WWOX: variants seen among roughly 807,000 people sequenced by gnomAD.
WWOX encodes WW domain-containing oxidoreductase.
Under a neutral mutation model 46.2 loss-of-function variants are expected in WWOX, and 69 were observed. That is an observed-to-expected ratio of 1.49 (90% CI 1.23 to 1.82). The LOEUF is 1.82. Ranked by LOEUF, WWOX falls within the 40% of genes most tolerant of loss-of-function variation. The pLI is 0.00. For synonymous variants in WWOX, 359 were observed against 202.6 expected (o/e 1.77, Z -6.56); for missense variants, 919 against 542.6 (o/e 1.69, Z -6.89).
intron 8 of WWOX, among the ~76,000 whole-genome samples, chr16:79,005,634 C>G (rs1261179429): frequency 6.6e-6 from 1 of 152,170 alleles, no homozygotes; most frequent in Non-Finnish European, 1.5e-5. Flanking sequence ...TCACCACCAT[C>G]TTCCTTGTCC....
At chr16:78,540,779 T>C (rs9989362) in intron 8 of WWOX, among the ~76,000 whole-genome samples, 14,392 of 152,144 alleles carry the variant, frequency 0.095, 931 homozygotes, top group South Asian at 0.24. Flanking sequence ...CTCAAATTCA[T>C]GAGCCCAAGC....
chr16:79,087,781 T>C (rs1264715809), intron 8 of WWOX, among the ~76,000 whole-genome samples: 1 of 152,182 alleles, frequency 6.6e-6, no homozygotes, highest in Non-Finnish European at 1.5e-5. Flanking sequence ...TTTAGTACGT[T>C]CTCTTGGTTG....
At chr16:78,382,965 C>A (rs1244422758) in intron 5 of WWOX, among the ~76,000 whole-genome samples, 1 of 151,588 alleles carries the variant, frequency 6.6e-6, no homozygotes, top group Non-Finnish European at 1.5e-5. Context: ...TAGGAAACTT[C>A]CAATCATGGC....
chr16:78,430,409 G>A (rs577481202), intron 7 of WWOX, among the ~76,000 whole-genome samples: 1 of 152,152 alleles, frequency 6.6e-6, no homozygotes, highest in Non-Finnish European at 1.5e-5. Flanking sequence ...CATGTAAATA[G>A]TTGTTGCACT....
chr16:78,422,397 G>A (rs1567563064), intron 6 of WWOX, among the ~76,000 whole-genome samples: 2 of 151,520 alleles, frequency 1.3e-5, no homozygotes, highest in Non-Finnish European at 2.9e-5. Flanking sequence ...TCTGATGCCT[G>A]TAGTGGTATG....
Position 78,441,099 on chromosome 16 carries a change from C to T in WWOX, c.1056+8347C>T, listed in dbSNP as rs115557638. ...CTGAGATTACAGGTGTGCACCACCACGCACGGCTGATGTTTGTATTTTTAG... is the reference window on the plus strand; with the variant it reads ...CTGAGATTACAGGTGTGCACCACCATGCACGGCTGATGTTTGTATTTTTAG... On this transcript the variant is annotated intron_variant, in intron 8 of 8. Transcript: ENST00000566780. 9.6e-3 allele frequency among the ~76,000 whole-genome samples: 1,456 copies of T among 152,092 alleles called. 15 individuals carry two copies. Among genetic ancestry groups the T allele is most frequent in the African/African-American group, 0.026 (1,098 of 41,494 alleles).
At chr16:78,481,626 T>G (rs903496698) in intron 8 of WWOX, among the ~76,000 whole-genome samples, 1 of 133,954 alleles carries the variant, frequency 7.5e-6, no homozygotes, top group Non-Finnish European at 1.6e-5. Flanking sequence ...GCCTAGTTGA[T>G]GGAATTGTGA....
intron 8 of WWOX, among the ~76,000 whole-genome samples, chr16:79,145,980 A>G (rs909079222): frequency 6.6e-6 from 1 of 152,212 alleles, no homozygotes; most frequent in Non-Finnish European, 1.5e-5. Context: ...ATATCAGCTA[A>G]AAAGGGGGCA....
At chr16:78,915,260 T>A (rs2045220755) in intron 8 of WWOX, among the ~76,000 whole-genome samples, 1 of 152,186 alleles carries the variant, frequency 6.6e-6, no homozygotes, top group Admixed American at 6.5e-5. Context: ...ACATGACCAT[T>A]CCAGTCATGA....
At chr16:78,979,441 G>A (rs1423840191) in intron 8 of WWOX, among the ~76,000 whole-genome samples, 2 of 152,134 alleles carry the variant, frequency 1.3e-5, no homozygotes, top group Non-Finnish European at 2.9e-5. Context: ...GTACGTGACA[G>A]GCTCCCCCAT....
chr16:78,233,346 C>T (rs2037330230), intron 5 of WWOX, among the ~76,000 whole-genome samples: 1 of 151,916 alleles, frequency 6.6e-6, no homozygotes, highest in Non-Finnish European at 1.5e-5. Context: ...GAGACCTACC[C>T]TTTTAACAAA....
At chr16:78,508,245 A>G (rs895408473) in intron 8 of WWOX, among the ~76,000 whole-genome samples, 1 of 148,724 alleles carries the variant, frequency 6.7e-6, no homozygotes, top group Admixed American at 6.7e-5. Context: ...TCCTGATCTC[A>G]GGTGATCCTC....
chr16:78,342,202 T>G (rs1329085290), intron 5 of WWOX, among the ~76,000 whole-genome samples: 2 of 121,666 alleles, frequency 1.6e-5, no homozygotes, highest in African/African-American at 5.6e-5. Flanking sequence ...GGGACCTTTC[T>G]GGGGTCTTTT....
chr16:78,687,904 T>G (rs147333753), intron 8 of WWOX, among the ~76,000 whole-genome samples: 1 of 152,076 alleles, frequency 6.6e-6, no homozygotes, highest in African/African-American at 2.4e-5. Flanking sequence ...AATGGCCCAC[T>G]CCCTTTCTTT....
intron 5 of WWOX, among the ~76,000 whole-genome samples, chr16:78,251,990 T>G (rs973811966): frequency 7.9e-5 from 12 of 152,202 alleles, no homozygotes; most frequent in Admixed American, 2.6e-4. Flanking sequence ...TAGAATGAAG[T>G]CTTCAGATCT....
intron 8 of WWOX, among the ~76,000 whole-genome samples, chr16:78,665,912 T>C (rs1448122273): frequency 6.6e-6 from 1 of 151,974 alleles, no homozygotes; most frequent in African/African-American, 2.4e-5. Flanking sequence ...CTTGAACTCC[T>C]GACTTCAAGT....
rs1567430080 is a variant in WWOX at position 78,604,774 on chromosome 16, CCCCCCTCCCTCCTTCCCCCCTCCCT to C, written c.1056+172025_1056+172049del. ...CTCCCTCCTTCCCCCCTCCCTCCTTCCCCCCTCCCTCCTTCCCCCCTCCCTCCTTCCTCCCTCCCTCCTTCCCTTC... is the reference window on the plus strand; with the variant it reads ...CTCCCTCCTTCCCCCCTCCCTCCTTCCCTTCCTCCCTCCCTCCTTCCCTTC... On this transcript the variant is annotated intron_variant, in intron 8 of 8. Coordinates refer to ENST00000566780, the MANE Select transcript of WWOX (RefSeq NM_016373.4). 9.8e-3 allele frequency among the ~76,000 whole-genome samples: 16 copies of C among 1,630 alleles called. 2 individuals are homozygous for C. The highest frequency in any genetic ancestry group is 0.013 in the Non-Finnish European group (12 of 892). 1.1% of individuals were successfully genotyped at this position (1,630 alleles called of 152,430 possible). A position where few individuals can be genotyped will look rare whatever the true frequency, so the allele number is the denominator to read the frequency against.
intron 8 of WWOX, among the ~76,000 whole-genome samples, chr16:78,741,290 G>T (rs2049221028): frequency 6.6e-6 from 1 of 152,202 alleles, no homozygotes; most frequent in African/African-American, 2.4e-5. Flanking sequence ...GTCAGGCGCG[G>T]TGGCTCACGC....
At chr16:78,513,303 C>G (rs1375342261) in intron 8 of WWOX, among the ~76,000 whole-genome samples, 3 of 152,124 alleles carry the variant, frequency 2.0e-5, no homozygotes, top group Non-Finnish European at 2.9e-5. Flanking sequence ...TTTGTAGGAG[C>G]TTGAATATTC....
Sources: allele counts gnomAD v4.1 joint callset (sites outside exome capture counted in the v4.1 genomes callset), GRCh38; gene constraint gnomAD v4.1.1; transcripts MANE v1.5; gene names NCBI Gene and HGNC (gene_info 2026-07-23, HGNC 2026-07-21).